NLRP4: variants seen among roughly 807,000 people sequenced by gnomAD.
NLRP4 encodes the protein NACHT, LRR and PYD domains-containing protein 4.
In NLRP4, 44 loss-of-function variants were observed where a neutral mutation model predicts 84.7. The observed-to-expected ratio is 0.52, with a 90% CI of 0.41 to 0.67. The LOEUF (loss-of-function observed/expected upper bound fraction) is 0.67. Ranked by LOEUF, NLRP4 falls within the 30% of genes least tolerant of loss-of-function variation. The pLI is 0.00. For synonymous variants in NLRP4, 544 were observed against 476.4 expected, an observed-to-expected ratio of 1.14 and a Z score of -1.85; for missense variants, 1,260 against 1,219.4, an observed-to-expected ratio of 1.03 and a Z score of -0.50.
intron 2 of NLRP4, 22 bp downstream of exon 2, chr19:55,852,382 G>A: frequency 6.5e-7 from 1 of 1,544,436 alleles, no homozygotes; most frequent in Non-Finnish European, 8.8e-7. Context: ...TGGGAAGGGG[G>A]AAGCCTTCTT....
Position 55,848,253 on chromosome 19 carries a change from G to T in NLRP4, c.-65-3763G>T, listed in dbSNP as rs151006950. The stretch of plus-strand genomic sequence containing the variant: ...TGAGGAGGAAGACCACGAAGGAAAG[G>T]TGCCCTTCCCATCATATCATATGCT... On this transcript the variant is annotated intron_variant, in intron 1 of 9. Coordinates refer to ENST00000301295, the MANE Select transcript of NLRP4 (RefSeq NM_134444.5). 3.1e-3 allele frequency among the ~76,000 whole-genome samples: 474 copies of T among 152,190 alleles called. 2 individuals are homozygous for T. Among genetic ancestry groups the T allele is most frequent in the African/African-American group, 0.011 (461 of 41,538 alleles).
chr19:55,867,233 A>G (rs1377419632), intron 5 of NLRP4, among the ~76,000 whole-genome samples: 1 of 148,470 alleles, frequency 6.7e-6, no homozygotes, highest in East Asian at 2.0e-4. Flanking sequence ...GGAGGCCATA[A>G]GTCAAGCATG....
Position 55,881,482 on chromosome 19 carries a change from T to C in NLRP4, c.2880T>C (p.Thr960=), listed in dbSNP as rs752466354. 6.3e-7 allele frequency: 1 copy of C among 1,583,540 alleles called. No individual in the cohort carries two copies. The highest frequency in any genetic ancestry group is 8.7e-7 in the Non-Finnish European group (1 of 1,153,582). Residue 960 remains threonine (T), a synonymous_variant, in exon 10 of 10, where the codon ACT becomes ACC. Coordinates refer to ENST00000301295, the MANE Select transcript of NLRP4 (RefSeq NM_134444.5). ...CALQVLGLRK[T]DFDEETQALL... is the part of the protein sequence containing the mutation. ...AATATTTTACCAGGCTGAGAAAAAC[T>C]GATTTTGATGAGGAAACCCAGGCAC...
Position 55,857,964 on chromosome 19 carries a change from A to T in NLRP4, c.571A>T (p.Arg191Ter). 6.2e-7 allele frequency: 1 copy of T among 1,614,166 alleles called. No homozygotes were observed. The highest frequency in any genetic ancestry group is 8.5e-7 in the Non-Finnish European group (1 of 1,180,004). The change falls in exon 3 of 10, where the codon AGA (arginine) becomes TGA (stop). Residue 191 changes from arginine (R) to a stop codon, truncating the protein, a stop_gained. Transcript: ENST00000301295. LOFTEE classifies it high-confidence loss of function. ...RFLYTFYFCC[R>*]ELRELPPTSL... The stretch of plus-strand genomic sequence containing the variant: ...CCTGTACACGTTCTATTTCTGCTGC[A>T]GAGAACTGAGGGAGTTGCCGCCAAC...
chr19:55,857,117 T>C (rs1343891102), intron 2 of NLRP4, among the ~76,000 whole-genome samples: 2 of 152,246 alleles, frequency 1.3e-5, no homozygotes, highest in Non-Finnish European at 2.9e-5. Flanking sequence ...ATTTGTATAA[T>C]AGCTTGTGTC....
rs539109928 is a variant in NLRP4, at chr19:55,879,493, C to T, written c.2867+529C>T. Among the ~76,000 whole-genome samples, 3 of 150,668 alleles carry T rather than the reference C, an allele frequency of 2.0e-5. No individual in the cohort carries two copies. In the South Asian group the frequency reaches 6.2e-4, roughly 31 times the overall value. ...GGTGTGAATTTCTGGCAGCCCCCAC[C>T]CCAGTCTTTTATTAAGCAGGCAGGT... On this transcript the variant is annotated intron_variant, in intron 9 of 9. Coordinates refer to ENST00000301295, the MANE Select transcript of NLRP4 (RefSeq NM_134444.5).
chr19:55,878,907 G>C lies in NLRP4; in HGVS notation c.2810G>C (p.Gly937Ala). ...NLTLNTLDHT[G>A]VVVLCEALRH... ...ACCTTGAACACCTTGGACCACACAG[G>C]GGTGGTTGTACTCTGTGAGGCCCTG... The change falls in exon 9 of 10, where the codon GGG becomes GCG. Residue 937 changes from glycine (G) to alanine (A), a missense_variant. Around this residue, in one of 3 missense-constraint regions of NLRP4, gnomAD observed 544 missense variants for 531.7 expected, o/e 1.02. Transcript: ENST00000301295. 6.2e-7 allele frequency: 1 copy of C among 1,613,926 alleles called. No homozygotes were observed. The highest frequency in any genetic ancestry group is 8.5e-7 in the Non-Finnish European group (1 of 1,179,858).
intron 7 of NLRP4, among the ~76,000 whole-genome samples, chr19:55,872,248 A>G (rs1263557869): frequency 1.3e-5 from 2 of 152,192 alleles, no homozygotes; most frequent in Non-Finnish European, 1.5e-5. Flanking sequence ...ACCTTAAACT[A>G]GTACTGAACA....
intron 1 of NLRP4, 130 bp from the exon 2 acceptor site, chr19:55,851,886 G>C (rs1984175484): frequency 1.8e-6 from 1 of 545,088 alleles, no homozygotes; most frequent in South Asian, 2.5e-5. Context: ...TGAATGAGAA[G>C]GTGAGATGAA....
At chr19:55,850,229 C>A (rs1281099900) in intron 1 of NLRP4, among the ~76,000 whole-genome samples, 14 of 143,014 alleles carry the variant, frequency 9.8e-5, no homozygotes, top group African/African-American at 3.9e-4. Context: ...GGTGTAATTT[C>A]CGTGGCTGCG....
intron 2 of NLRP4, among the ~76,000 whole-genome samples, chr19:55,854,445 T>A (rs1235479784): frequency 6.6e-6 from 1 of 152,182 alleles, no homozygotes; most frequent in African/African-American, 2.4e-5. Context: ...TTTCTTTTTC[T>A]CTTTATCTGG....
chr19:55,858,221 C>T lies in NLRP4; in HGVS notation c.828C>T (p.Leu276=), dbSNP rs766351737. The T allele has an allele frequency of 1.5e-5, 25 of 1,614,036 alleles. No individual in the cohort carries two copies. The South Asian group carries it at 2.7e-4, about 18-fold the overall frequency. ...AGATGCTCCCGGAGGCCTCCCTGCT[C>T]ATCGCTATCAAACCCGTGTGCCCGA... is the stretch of plus-strand genomic sequence containing the variant. ...RKKMLPEASL[L]IAIKPVCPKE... Residue 276 remains leucine (L), a synonymous_variant, in exon 3 of 10, where the codon CTC becomes CTT. Coordinates refer to ENST00000301295, the MANE Select transcript of NLRP4 (RefSeq NM_134444.5). This position sits in a 1 kb window ranked among gnomAD's most constrained non-coding sequence, Gnocchi z 4.2.
intron 7 of NLRP4, among the ~76,000 whole-genome samples, chr19:55,874,455 G>T (rs975081799): frequency 1.3e-5 from 2 of 152,046 alleles, no homozygotes; most frequent in Non-Finnish European, 2.9e-5. Context: ...AATGGGAAAA[G>T]AAACATTACT....
intron 7 of NLRP4, among the ~76,000 whole-genome samples, chr19:55,876,441 C>T (rs780864264): frequency 1.3e-5 from 2 of 152,148 alleles, no homozygotes; most frequent in Non-Finnish European, 2.9e-5. Context: ...CTCTGCTTCC[C>T]GAGTTCAAGT....
chr19:55,859,951 AAC>A (rs1337633551), intron 3 of NLRP4, among the ~76,000 whole-genome samples: 752 of 74,468 alleles, frequency 0.01, 105 homozygotes, highest in East Asian at 0.017. Context: ...AAAAAAAAAA[AAC>A]AAAACACAAA....
intron 7 of NLRP4, among the ~76,000 whole-genome samples, chr19:55,876,510 G>A (rs566639888): frequency 1.3e-5 from 2 of 150,992 alleles, no homozygotes; most frequent in African/African-American, 2.4e-5. Context: ...CGCCATGCCC[G>A]GCTAATTTTT....
At chr19:55,857,070 G>T (rs566584732) in intron 2 of NLRP4, among the ~76,000 whole-genome samples, 84 of 152,210 alleles carry the variant, frequency 5.5e-4, no homozygotes, top group Admixed American at 1.2e-3. Flanking sequence ...CCGTCCTGTT[G>T]CTTATCCATA....
intron 1 of NLRP4, among the ~76,000 whole-genome samples, chr19:55,847,801 GC>G (rs200122707): frequency 0.011 from 1,653 of 147,856 alleles, 15 homozygotes; most frequent in African/African-American, 0.038. Flanking sequence ...TGCAACCTCT[GC>G]CTCCCGGGTT....
intron 7 of NLRP4, among the ~76,000 whole-genome samples, chr19:55,872,842 A>G (rs1420202195): frequency 1.3e-5 from 2 of 152,168 alleles, no homozygotes; most frequent in African/African-American, 4.8e-5. Context: ...AACAGGATAA[A>G]TAGTGGAGAA....
Sources: allele counts gnomAD v4.1 joint callset (sites outside exome capture counted in the v4.1 genomes callset), GRCh38; gene constraint gnomAD v4.1.1; regional missense constraint gnomAD v4.1.1; non-coding constraint Gnocchi (gnomAD v3.1); transcripts MANE v1.5; gene names NCBI Gene and HGNC (gene_info 2026-07-23, HGNC 2026-07-21).